Variants in STK38L observed in about 807,000 individuals in gnomAD.
The protein encoded by STK38L is serine/threonine-protein kinase 38-like.
In STK38L, 28 loss-of-function variants were observed where a neutral mutation model predicts 59.7. The observed-to-expected ratio is 0.47, with a 90% CI of 0.35 to 0.64. The LOEUF (loss-of-function observed/expected upper bound fraction) is 0.64. STK38L is among the 30% of genes least tolerant of loss of function. The pLI, the probability that STK38L is intolerant of heterozygous loss-of-function variation, is 0.01. For synonymous variants in STK38L, 162 were observed against 176.8 expected, an observed-to-expected ratio of 0.92 and a Z score of 0.66; for missense variants, 314 against 555.8, an observed-to-expected ratio of 0.56 and a Z score of 4.37.
chr12:27,303,408 T>C (rs752120159), intron 3 of STK38L, among the ~76,000 whole-genome samples: 17 of 152,296 alleles, frequency 1.1e-4, no homozygotes, highest in Middle Eastern at 3.4e-3. Context: ...CTGGGAAATC[T>C]TCCTTAACCT....
At chr12:27,281,657 A>G (rs1409037085) in intron 1 of STK38L, among the ~76,000 whole-genome samples, 1 of 152,262 alleles carries the variant, frequency 6.6e-6, no homozygotes, top group African/African-American at 2.4e-5. Flanking sequence ...CATGACAACA[A>G]CAGTGGTGAT....
rs997784750 is a variant in STK38L, at chr12:27,308,652, T to G, written c.309+191T>G. 4.6e-5 allele frequency among the ~76,000 whole-genome samples: 7 copies of G among 151,734 alleles called. No homozygotes were observed. The highest frequency in any genetic ancestry group is 1.7e-4 in the African/African-American group (7 of 41,334). ...CCAGCCTGGCCAGTGAAACCCCGTCTCTATAAAAATACAAAAATTAGCTGG... is the reference window on the plus strand; with the variant it reads ...CCAGCCTGGCCAGTGAAACCCCGTCGCTATAAAAATACAAAAATTAGCTGG... On this transcript the variant is annotated intron_variant, in intron 4 of 13. Coordinates refer to ENST00000389032, the MANE Select transcript of STK38L (RefSeq NM_015000.4). The surrounding 1 kb of genome is among the most constrained non-coding windows in gnomAD (Gnocchi z 4.5).
At chr12:27,310,996 C>T (rs560278367) in intron 5 of STK38L, among the ~76,000 whole-genome samples, 2 of 152,308 alleles carry the variant, frequency 1.3e-5, no homozygotes, top group South Asian at 4.1e-4. Context: ...AAACCACCCC[C>T]ACAAAATTAA....
intron 10 of STK38L, 199 bp from the exon 11 acceptor site, chr12:27,317,697 T>C (rs1944620013): frequency 2.6e-6 from 2 of 774,954 alleles, no homozygotes; most frequent in South Asian, 1.9e-5. Flanking sequence ...GCTTTTCAGG[T>C]AAAAGGGGAG....
intron 1 of STK38L, among the ~76,000 whole-genome samples, chr12:27,264,594 A>G (rs61915903): frequency 0.071 from 10,746 of 152,294 alleles, 503 homozygotes; most frequent in Non-Finnish European, 0.11. Flanking sequence ...CAGAAAAAAC[A>G]ATACAACAAT....
At chr12:27,310,716 T>G (rs979105073) in intron 5 of STK38L, among the ~76,000 whole-genome samples, 1 of 152,232 alleles carries the variant, frequency 6.6e-6, no homozygotes, top group Non-Finnish European at 1.5e-5. Context: ...CATACATGAC[T>G]TGTGTTACAT....
intron 1 of STK38L, among the ~76,000 whole-genome samples, chr12:27,278,362 G>T (rs1943581313): frequency 6.6e-6 from 1 of 152,160 alleles, no homozygotes; most frequent in South Asian, 2.1e-4. Flanking sequence ...ATCTTCCCCT[G>T]TTCTAAAGCC....
chr12:27,315,130 GTTGT>G lies in STK38L; in HGVS notation c.775+16_775+19del. On this transcript the variant is annotated intron_variant, in intron 8 of 13. Transcript: ENST00000389032. ...CCAAGTGACTTCTGTAAGTTTGGTTGTTGTTTTTCTTCTTTCCCCTGGTTAAGAT... is the reference window on the plus strand; with the variant it reads ...CCAAGTGACTTCTGTAAGTTTGGTTGTTTTCTTCTTTCCCCTGGTTAAGAT... 1 of 1,609,418 alleles carries G rather than the reference GTTGT, an allele frequency of 6.2e-7. No individual in the cohort carries two copies. The highest frequency in any genetic ancestry group is 1.1e-5 in the South Asian group (1 of 90,704).
In STK38L at chr12:27,308,392, C is replaced by T. The variant is rs759191923; in HGVS notation, c.240C>T (p.Leu80=). Residue 80 remains leucine (L), a synonymous_variant, in exon 4 of 14, where the codon CTC becomes CTT. Transcript: ENST00000389032. The surrounding 1 kb of genome is among the most constrained non-coding windows in gnomAD (Gnocchi z 4.5). Reference sequence around the variant, plus strand: ...GCAAAGAAACAGAGTTCTTACGGCTCAAAAGGACCAGACTTGGCTTGGATG... The same window carrying T: ...GCAAAGAAACAGAGTTCTTACGGCTTAAAAGGACCAGACTTGGCTTGGATG... ...HARKETEFLR[L]KRTRLGLDDF... 1.9e-6 allele frequency: 3 copies of T among 1,598,968 alleles called. No homozygotes were observed. The highest frequency in any genetic ancestry group is 2.7e-5 in the African/African-American group (2 of 74,410).
intron 1 of STK38L, among the ~76,000 whole-genome samples, chr12:27,271,673 T>G (rs1370726346): frequency 6.6e-6 from 1 of 152,180 alleles, no homozygotes; most frequent in Non-Finnish European, 1.5e-5. Context: ...TAACCATATT[T>G]GAAATGTGTC....
chr12:27,251,889 A>G (rs2136601704), intron 1 of STK38L, among the ~76,000 whole-genome samples: 1 of 152,368 alleles, frequency 6.6e-6, no homozygotes, highest in East Asian at 1.9e-4. Context: ...TAAAACAATT[A>G]TGATAAAGGA....
At chr12:27,302,022 T>C in intron 2 of STK38L, 115 bp from the exon 3 acceptor site, 1 of 727,432 alleles carries the variant, frequency 1.4e-6, no homozygotes, top group Non-Finnish European at 2.0e-6. Context: ...TTGAAAGTTT[T>C]TTTTTTTTTA....
chr12:27,286,150 A>G (rs1943767425), intron 1 of STK38L, among the ~76,000 whole-genome samples: 1 of 152,096 alleles, frequency 6.6e-6, no homozygotes, highest in African/African-American at 2.4e-5. Flanking sequence ...TCTCCACTAA[A>G]CCAGAACTAA....
intron 12 of STK38L, among the ~76,000 whole-genome samples, chr12:27,320,154 AC>A (rs1944689857): frequency 6.6e-6 from 1 of 151,720 alleles, no homozygotes; most frequent in African/African-American, 2.4e-5. Flanking sequence ...TGCTGCCTCT[AC>A]CCCTACCCTG....
At chr12:27,249,108 G>A (rs1283082621) in intron 1 of STK38L, among the ~76,000 whole-genome samples, 1 of 152,148 alleles carries the variant, frequency 6.6e-6, no homozygotes, top group Non-Finnish European at 1.5e-5. Flanking sequence ...TCAAGTTTTG[G>A]GGGCATCTTT....
chr12:27,286,487 ATTTAC>A lies in STK38L; in HGVS notation c.-11-11220_-11-11216del, dbSNP rs1430033342. On this transcript the variant is annotated intron_variant, in intron 1 of 13. Coordinates refer to ENST00000389032, the MANE Select transcript of STK38L (RefSeq NM_015000.4). ...GAAAATAGAACTTTGTATCCTGCTT[ATTTAC>A]TTAACATTATTTTTCATGTTAAAAT... Among the ~76,000 whole-genome samples the A allele has an allele frequency of 2.0e-5, 3 of 152,224 alleles. No homozygotes were observed. The East Asian group carries it at 5.8e-4, about 29-fold the overall frequency.
At chr12:27,280,531 T>C (rs1454661168) in intron 1 of STK38L, among the ~76,000 whole-genome samples, 1 of 152,166 alleles carries the variant, frequency 6.6e-6, no homozygotes, top group Non-Finnish European at 1.5e-5. Context: ...GCTTTTTCTT[T>C]TGGGCCTCTT....
chr12:27,319,135 TTACAG>T (rs1944662913), intron 11 of STK38L, among the ~76,000 whole-genome samples, 188 bp from the exon 12 acceptor site: 1 of 152,248 alleles, frequency 6.6e-6, no homozygotes, highest in Admixed American at 6.5e-5. Context: ...ATTAGCATAT[TTACAG>T]TAGTTATCTC....
At chr12:27,284,984 T>G (rs926550911) in intron 1 of STK38L, among the ~76,000 whole-genome samples, 1 of 152,006 alleles carries the variant, frequency 6.6e-6, no homozygotes. Flanking sequence ...TTGGGAACAG[T>G]TTTTTTTGGT....
Sources: allele counts gnomAD v4.1 joint callset (sites outside exome capture counted in the v4.1 genomes callset), GRCh38; gene constraint gnomAD v4.1.1; non-coding constraint Gnocchi (gnomAD v3.1); transcripts MANE v1.5; gene names NCBI Gene and HGNC (gene_info 2026-07-23, HGNC 2026-07-21).